BRCA2: variants seen among roughly 807,000 people sequenced by gnomAD.
BRCA2 encodes the protein BRCA2 DNA repair associated.
In BRCA2, 203 loss-of-function variants were observed where a neutral mutation model predicts 276.7. That is an observed-to-expected ratio of 0.73 (90% CI 0.65 to 0.82). The LOEUF (loss-of-function observed/expected upper bound fraction) is 0.82, where lower values mean the gene tolerates loss of function less well. BRCA2 is among the 40% of genes least tolerant of loss of function. The pLI is 0.00. For synonymous variants in BRCA2, 1,289 were observed against 1,338.4 expected, an observed-to-expected ratio of 0.96 and a Z score of 0.81; for missense variants, 3,920 against 3,915.0, an observed-to-expected ratio of 1.00 and a Z score of -0.03.
chr13:32,376,926 G>A, intron 21 of BRCA2, 135 bp downstream of exon 21: 1 of 1,268,454 alleles, frequency 7.9e-7, no homozygotes, highest in Admixed American at 2.0e-5. Flanking sequence ...ACATTTCTGG[G>A]ATTTTCAGTG....
rs2072750380 is a variant in BRCA2 at position 32,362,816 on chromosome 13, C to T, written c.7976+123C>T. 4.9e-6 allele frequency: 5 copies of T among 1,017,808 alleles called. No individual in the cohort carries two copies. The African/African-American group carries it at 7.9e-5, about 16-fold the overall frequency. The allele number at this position is 1,017,808 out of a possible 1,614,324, so 63.0% of individuals were successfully genotyped here. A position where few individuals can be genotyped will look rare whatever the true frequency, so the allele number is the denominator to read the frequency against. ...GTTGTCAGTGACAGTTGCCATCCCA[C>T]ACTGCTGTTCTCCTGTCATCCCTAG... is the stretch of plus-strand genomic sequence containing the variant. On this transcript the variant is annotated intron_variant, in intron 17 of 26. Coordinates refer to ENST00000380152, the MANE Select transcript of BRCA2 (RefSeq NM_000059.4).
In BRCA2 at chr13:32,399,049, C is replaced by G. The variant is rs1400147209; in HGVS notation, c.*279C>G. The G allele has an allele frequency of 2.6e-6, 1 of 380,272 alleles. No homozygotes were observed. The highest frequency in any genetic ancestry group is 2.1e-5 in the African/African-American group (1 of 47,548). The allele number at this position is 380,272 out of a possible 1,614,324, so 23.6% of individuals were successfully genotyped here. A position where few individuals can be genotyped will look rare whatever the true frequency, so the allele number is the denominator to read the frequency against. ...AGCTCGGTGGCTCATGCCTGTAATC[C>G]CAACACTTTGAGAAGCTGAGGTGGG... On this transcript the variant is annotated 3_prime_UTR_variant, in exon 27 of 27. Coordinates refer to ENST00000380152, the MANE Select transcript of BRCA2 (RefSeq NM_000059.4).
chr13:32,328,004 C>T (rs1385753255), intron 7 of BRCA2, among the ~76,000 whole-genome samples: 1 of 151,898 alleles, frequency 6.6e-6, no homozygotes, highest in Non-Finnish European at 1.5e-5. Flanking sequence ...ACACTTGTCT[C>T]AAATTCCTGA....
rs80359119 is a variant in BRCA2, at chr13:32,371,067, A to C, written c.8599A>C (p.Thr2867Pro). ...AQQKRLEALF[T>P]KIQEEFEEHE... ...ACAAAAGAGACTAGAAGCCTTATTC[A>C]CTAAAATTCAGGAGGAATTTGAAGA... Residue 2867 changes from threonine to proline, a missense_variant, in exon 20 of 27, where the codon ACT becomes CCT. By Grantham distance (38) the Thr-to-Pro change is conservative. This residue lies in a region of BRCA2 where 657 missense variants were observed against 758.2 expected (regional missense o/e 0.87). Transcript: ENST00000380152. 2 of 1,614,042 alleles carry C rather than the reference A, an allele frequency of 1.2e-6. No homozygotes were observed. The highest frequency in any genetic ancestry group is 1.7e-6 in the Non-Finnish European group (2 of 1,179,992).
intron 16 of BRCA2, among the ~76,000 whole-genome samples, chr13:32,361,295 T>C (rs1451213319): frequency 6.6e-6 from 1 of 152,116 alleles, no homozygotes; most frequent in Non-Finnish European, 1.5e-5. Flanking sequence ...AGGACTGAGA[T>C]TGGCCGCTGG....
At chr13:32,397,931 T>C (rs2073047139) in intron 26 of BRCA2, among the ~76,000 whole-genome samples, 2 of 152,222 alleles carry the variant, frequency 1.3e-5, no homozygotes, top group South Asian at 4.1e-4. Flanking sequence ...TTACTGTGAT[T>C]ATTCTTCATC....
chr13:32,334,226 C>T (rs780560120), intron 10 of BRCA2, among the ~76,000 whole-genome samples: 3 of 152,182 alleles, frequency 2.0e-5, no homozygotes, highest in Admixed American at 1.3e-4. Flanking sequence ...AACTAATTTA[C>T]ATTCCAGCCA....
intron 20 of BRCA2, 107 bp downstream of exon 20, chr13:32,371,207 G>A (rs1212546351): frequency 8.2e-7 from 1 of 1,222,856 alleles, no homozygotes; most frequent in Non-Finnish European, 1.1e-6. Flanking sequence ...ATTTTGAGTA[G>A]TAAATTGACT....
chr13:32,393,604 C>G (rs576963124), intron 24 of BRCA2, among the ~76,000 whole-genome samples: 3 of 152,116 alleles, frequency 2.0e-5, no homozygotes, highest in Admixed American at 6.5e-5. Flanking sequence ...TTATATGTTC[C>G]CTGCCCTAGT....
In BRCA2 at chr13:32,346,914, T is replaced by A. The variant is rs377471435; in HGVS notation, c.7007+18T>A. The A allele has an allele frequency of 4.5e-5, 71 of 1,587,582 alleles. No homozygotes were observed. The highest frequency in any genetic ancestry group is 5.9e-5 in the Non-Finnish European group (68 of 1,160,578). On this transcript the variant is annotated intron_variant, in intron 13 of 26. Transcript: ENST00000380152. ...CCCTTTCGGTAAGACATGTTTAAAT[T>A]TTTCTAAATTCTAATACAGTATGAG...
At chr13:32,375,563 CTTT>C (rs398022219) in intron 20 of BRCA2, among the ~76,000 whole-genome samples, 3 of 143,156 alleles carry the variant, frequency 2.1e-5, no homozygotes, top group Non-Finnish European at 3.0e-5. Context: ...AGACATGTTT[CTTT>C]TTTTTTTTTT....
intron 12 of BRCA2, among the ~76,000 whole-genome samples, chr13:32,345,746 C>G (rs2072606611): frequency 6.6e-6 from 1 of 152,002 alleles, no homozygotes; most frequent in African/African-American, 2.4e-5. Flanking sequence ...ACACCTTATA[C>G]ATATAACTTA....
At position 32,379,503 on chromosome 13, in the gene BRCA2, GA is replaced by G. The variant is rs80359733; in HGVS notation, c.8946del (p.Asp2983IlefsTer5). 1 of 1,612,462 alleles carries G rather than the reference GA, an allele frequency of 6.2e-7. No individual in the cohort carries two copies. On this transcript the variant is annotated frameshift_variant, in exon 22 of 27. Transcript: ENST00000380152. LOFTEE classifies it high-confidence loss of function. ...GCGTATTGTAAGCTATTCAAAAAAA[GA>G]AAAAGATTCAGGTAAGTATGTAAAT... is the stretch of plus-strand genomic sequence containing the variant. ...KLRIVSYSKK[E>X]KDSVILSIWR...
chr13:32,355,803 C>T (rs2072689028), intron 14 of BRCA2, among the ~76,000 whole-genome samples: 2 of 151,756 alleles, frequency 1.3e-5, no homozygotes, highest in South Asian at 4.2e-4. Context: ...TCGTTTGAAC[C>T]CGGGAGGCAG....
rs570584580 is a variant in BRCA2, at chr13:32,326,410, G to A, written c.517-89G>A. 1.5e-4 allele frequency: 221 copies of A among 1,437,922 alleles called. No individual in the cohort carries two copies. Among genetic ancestry groups the A allele is most frequent in the Admixed American group, 4.4e-4 (25 of 56,974 alleles). The allele number at this position is 1,437,922 out of a possible 1,614,324, so 89.1% of individuals were successfully genotyped here. On this transcript the variant is annotated intron_variant, in intron 6 of 26. Transcript: ENST00000380152. The stretch of plus-strand genomic sequence containing the variant: ...GCCTCATACAGGCAATTCAGTAAAC[G>A]TTAAGTGAAATAAAGAGTGAATGAA...
rs398122573 is a variant in BRCA2, at chr13:32,346,846, A to C, written c.6957A>C (p.Arg2319Ser). Reference sequence around the variant, plus strand: ...TCCTAGGCACAATAAAAGATCGAAGATTGTTTATGCATCATGTTTCTTTAG... The same window carrying C: ...TCCTAGGCACAATAAAAGATCGAAGCTTGTTTATGCATCATGTTTCTTTAG... The part of the protein sequence containing the change: ...STPDGTIKDR[R>S]LFMHHVSLEP... Residue 2319 changes from arginine to serine, a missense_variant, in exon 13 of 27, where the codon AGA becomes AGC. Physicochemically the swap from Arg to Ser is moderately radical, Grantham distance 110 (BLOSUM62 -1). This residue lies in a region of BRCA2 where 3,263 missense variants were observed against 3,156.9 expected (regional missense o/e 1.03). Coordinates refer to ENST00000380152, the MANE Select transcript of BRCA2 (RefSeq NM_000059.4). The C allele has an allele frequency of 1.9e-6, 3 of 1,608,974 alleles. No homozygotes were observed. Among genetic ancestry groups the C allele is most frequent in the Non-Finnish European group, 2.5e-6 (3 of 1,177,146 alleles).
In BRCA2 at chr13:32,341,109, T is replaced by C. The variant is rs2072564641; in HGVS notation, c.6754T>C (p.Ser2252Pro). The C allele has an allele frequency of 6.2e-7, 1 of 1,613,794 alleles. No homozygotes were observed. The highest frequency in any genetic ancestry group is 1.3e-5 in the African/African-American group (1 of 74,908). ...DSKLPSHATH[S>P]LFTCPENEEM... is the part of the protein sequence containing the mutation. ...TAAACTGCCAAGTCATGCCACACAT[T>C]CTCTTTTTACATGTCCCGAAAATGA... Residue 2252 changes from serine (S) to proline (P), a missense_variant, in exon 11 of 27, where the codon TCT becomes CCT. Physicochemically the swap from Ser to Pro is moderately conservative, Grantham distance 74. Coordinates refer to ENST00000380152, the MANE Select transcript of BRCA2 (RefSeq NM_000059.4).
Position 32,316,508 on chromosome 13 carries a change from GAC to G in BRCA2, c.51_52del (p.Arg18LeufsTer12), listed in dbSNP as rs80359483. 1.2e-6 allele frequency: 2 copies of G among 1,613,688 alleles called. No homozygotes were observed. The highest frequency in any genetic ancestry group is 1.7e-6 in the Non-Finnish European group (2 of 1,179,804). ...ERPTFFEIFK[T>X]RCNKADLGPI... ...GGCCAACATTTTTTGAAATTTTTAA[GAC>G]ACGCTGCAACAAAGCAGGTATTGAC... is the stretch of plus-strand genomic sequence containing the variant. On this transcript the variant is annotated frameshift_variant, in exon 2 of 27. Coordinates refer to ENST00000380152, the MANE Select transcript of BRCA2 (RefSeq NM_000059.4). LOFTEE classifies it high-confidence loss of function.
rs1593918596 is a variant in BRCA2 at position 32,355,252 on chromosome 13, G to A, written c.7399G>A (p.Ala2467Thr). Residue 2467 changes from alanine (A) to threonine (T), a missense_variant, in exon 14 of 27, where the codon GCT becomes ACT. This residue lies in a region of BRCA2 where 3,263 missense variants were observed against 3,156.9 expected (regional missense o/e 1.03). Coordinates refer to ENST00000380152, the MANE Select transcript of BRCA2 (RefSeq NM_000059.4). ...FNKNNSNQAV[A>T]VTFTKCEEEP... ...CAAAAACAACTCCAATCAAGCAGTA[G>A]CTGTAACTTTCACAAAGTGTGAAGA... 1 of 1,613,438 alleles carries A rather than the reference G, an allele frequency of 6.2e-7. No individual in the cohort carries two copies. Among genetic ancestry groups the A allele is most frequent in the Non-Finnish European group, 8.5e-7 (1 of 1,179,616 alleles).
Sources: allele counts gnomAD v4.1 joint callset (sites outside exome capture counted in the v4.1 genomes callset), GRCh38; gene constraint gnomAD v4.1.1; regional missense constraint gnomAD v4.1.1; transcripts MANE v1.5; gene names NCBI Gene and HGNC (gene_info 2026-07-23, HGNC 2026-07-21).